The following SEL1L2 variants were observed in gnomAD, a reference collection of about 807,000 sequenced individuals.
SEL1L2 encodes the protein protein sel-1 homolog 2.
A neutral mutation model predicts 98.8 loss-of-function variants in SEL1L2; 89 were observed. That is an observed-to-expected ratio of 0.90 (90% CI 0.76 to 1.07). The LOEUF is 1.07. Among genes scored for constraint, SEL1L2 ranks in the 50% least tolerant of loss-of-function variants. SEL1L2 has a pLI of 0.00. For missense variants in SEL1L2, 788 were observed against 812.0 expected (o/e 0.97, Z 0.36); for synonymous variants, 262 against 278.5 (o/e 0.94, Z 0.59).
At chr20:13,858,552 G>A (rs953412514) in intron 18 of SEL1L2, among the ~76,000 whole-genome samples, 23 of 152,260 alleles carry the variant, frequency 1.5e-4, no homozygotes, top group African/African-American at 5.3e-4. Context: ...TGACAGAAAC[G>A]CATAGCCCAC....
At chr20:13,961,860 G>C (rs2050787373) in intron 1 of SEL1L2, among the ~76,000 whole-genome samples, 1 of 152,126 alleles carries the variant, frequency 6.6e-6, no homozygotes, top group African/African-American at 2.4e-5. Flanking sequence ...TTTCCAAATT[G>C]CCATGGACCA....
chr20:13,932,786 T>C (rs1418565040), intron 2 of SEL1L2, among the ~76,000 whole-genome samples: 7 of 152,268 alleles, frequency 4.6e-5, no homozygotes, highest in African/African-American at 7.2e-5. Context: ...TGCTTTTTTT[T>C]CCTTTTCTTC....
chr20:13,979,976 T>C (rs369253270), intron 1 of SEL1L2, among the ~76,000 whole-genome samples: 29 of 152,202 alleles, frequency 1.9e-4, no homozygotes, highest in African/African-American at 6.5e-4. Flanking sequence ...AGGACTAGTA[T>C]CTAAAATATA....
At chr20:13,907,696 CTTTCTCTT>C (rs1186575469) in intron 5 of SEL1L2, among the ~76,000 whole-genome samples, 5 of 138,806 alleles carry the variant, frequency 3.6e-5, no homozygotes, top group East Asian at 2.1e-4. Context: ...TTCTTTCTTT[CTTTCTCTT>C]TCTTTCTTTC....
chr20:13,853,003 C>T (rs1167576051), intron 18 of SEL1L2, among the ~76,000 whole-genome samples: 1 of 152,002 alleles, frequency 6.6e-6, no homozygotes, highest in Non-Finnish European at 1.5e-5. Flanking sequence ...AGAAAAAAAG[C>T]CACCCACAAT....
In SEL1L2 at chr20:13,870,294, C is replaced by T. The variant is rs776817433; in HGVS notation, c.1105-91G>A. ...AATTTTTCAAAATATTTGACATGCA[C>T]CCAGTAAGAGATTAATCAAGGCAGT... On this transcript the variant is annotated intron_variant, in intron 12 of 19. Coordinates refer to ENST00000284951, the MANE Select transcript of SEL1L2 (RefSeq NM_025229.2). The T allele has an allele frequency of 3.7e-5, 33 of 891,422 alleles. No individual in the cohort carries two copies. In the Admixed American group the frequency reaches 6.7e-4, roughly 18 times the overall value. 55.2% of individuals were successfully genotyped at this position (891,422 alleles called of 1,614,324 possible).
At chr20:13,888,548 C>T in intron 5 of SEL1L2, 36 bp from the exon 6 acceptor site, 19 of 1,117,474 alleles carry the variant, frequency 1.7e-5, no homozygotes, top group Non-Finnish European at 2.5e-5. Context: ...TTTAATAAAT[C>T]AATTTATTTC....
intron 12 of SEL1L2, among the ~76,000 whole-genome samples, chr20:13,873,250 A>G (rs1231006561): frequency 6.6e-6 from 1 of 152,104 alleles, no homozygotes; most frequent in Admixed American, 6.5e-5. Flanking sequence ...TCAGCCTCCC[A>G]AAGTGCTGGG....
At chr20:13,870,342 C>A in intron 12 of SEL1L2, 139 bp from the exon 13 acceptor site, 1 of 604,790 alleles carries the variant, frequency 1.7e-6, no homozygotes, top group South Asian at 2.3e-5. Context: ...CTGACCCACT[C>A]TAGTTCCTCC....
At chr20:13,918,963 T>C (rs1487019348) in intron 4 of SEL1L2, 58 bp downstream of exon 4, 2 of 1,194,454 alleles carry the variant, frequency 1.7e-6, no homozygotes, top group African/African-American at 3.1e-5. Flanking sequence ...ATTTGGGATT[T>C]TTCTTTTTTC....
chr20:13,850,193 T>TA lies in SEL1L2; in HGVS notation c.1944dup (p.Asn649Ter), dbSNP rs1987996905. 5.0e-6 allele frequency: 8 copies of TA among 1,613,652 alleles called. No individual in the cohort carries two copies. The highest frequency in any genetic ancestry group is 6.8e-6 in the Non-Finnish European group (8 of 1,179,776). On this transcript the variant is annotated frameshift_variant, in exon 19 of 20. Coordinates refer to ENST00000284951, the MANE Select transcript of SEL1L2 (RefSeq NM_025229.2). LOFTEE classifies it high-confidence loss of function. ...GGACCTGTTCAAGACAAACTTACAT[T>TA]AAAAAACAGGATATCCCGGAGCAAA...
At chr20:13,987,003 T>C (rs1206595920) in intron 1 of SEL1L2, among the ~76,000 whole-genome samples, 1 of 152,098 alleles carries the variant, frequency 6.6e-6, no homozygotes, top group African/African-American at 2.4e-5. Context: ...AGCTAATTTT[T>C]TGTATTTTTA....
At chr20:13,901,131 C>T (rs866993240) in intron 5 of SEL1L2, among the ~76,000 whole-genome samples, 5 of 141,738 alleles carry the variant, frequency 3.5e-5, no homozygotes, top group African/African-American at 1.3e-4. Flanking sequence ...AGTGCAGTGG[C>T]GCGATCTCGG....
chr20:13,894,555 G>A lies in SEL1L2; in HGVS notation c.550-6043C>T, dbSNP rs532853426. Among the ~76,000 whole-genome samples the A allele has an allele frequency of 3.3e-5, 5 of 151,912 alleles. No individual in the cohort carries two copies. In the South Asian group the frequency reaches 8.3e-4, roughly 25 times the overall value. On this transcript the variant is annotated intron_variant, in intron 5 of 19. Coordinates refer to ENST00000284951, the MANE Select transcript of SEL1L2 (RefSeq NM_025229.2). ...AGCCTGGGCAACAGAGCAAGACTTC[G>A]GTTCACAAATCAAAACAAACAAACA...
At position 13,859,297 on chromosome 20, in the gene SEL1L2, C is replaced by T; in HGVS notation, c.1783G>A (p.Ala595Thr). The T allele has an allele frequency of 1.9e-6, 3 of 1,614,148 alleles. No homozygotes were observed. The highest frequency in any genetic ancestry group is 2.5e-6 in the Non-Finnish European group (3 of 1,180,022). ...YHNAQAMFNL[A>T]YMYEHGLGIT... Reference sequence around the variant, plus strand: ...CCTAAGCCGTGTTCATACATATAAGCCAGATTGAACATGGCTTGCGCGTTG... The same window carrying T: ...CCTAAGCCGTGTTCATACATATAAGTCAGATTGAACATGGCTTGCGCGTTG... Residue 595 changes from alanine (A) to threonine (T), a missense_variant, in exon 18 of 20, where the codon GCT becomes ACT. Ala to Thr is a moderately conservative substitution (Grantham distance 58). Transcript: ENST00000284951.
chr20:13,874,340 C>A (rs573234537), intron 12 of SEL1L2, among the ~76,000 whole-genome samples: 1 of 152,122 alleles, frequency 6.6e-6, no homozygotes, highest in Admixed American at 6.5e-5. Flanking sequence ...ATTGTTCAGG[C>A]GCTGATCAAG....
chr20:13,926,354 G>A (rs7271827), intron 3 of SEL1L2, among the ~76,000 whole-genome samples: 31,275 of 151,516 alleles, frequency 0.21, 3,599 homozygotes, highest in African/African-American at 0.32. Flanking sequence ...TTCAAAAAAA[G>A]TGACCTTCAG....
chr20:13,850,275 C>T lies in SEL1L2; in HGVS notation c.1863G>A (p.Thr621=), dbSNP rs771917871. ...GCACAGGTATGTGGGCATCTGGACT[C>T]GTTTGAGCAGCCATGTCGTACAATC... ...ARRLYDMAAQ[T]SPDAHIPVLF... is the part of the protein sequence containing the mutation. The change falls in exon 19 of 20, where the codon ACG becomes ACA. Residue 621 remains threonine, a synonymous_variant. Coordinates refer to ENST00000284951, the MANE Select transcript of SEL1L2 (RefSeq NM_025229.2). 19 of 1,613,912 alleles carry T rather than the reference C, an allele frequency of 1.2e-5. No individual in the cohort carries two copies. Among genetic ancestry groups the T allele is most frequent in the Middle Eastern group, 1.6e-4 (1 of 6,084 alleles).
At chr20:13,877,416 T>A in intron 11 of SEL1L2, 104 bp downstream of exon 11, 1 of 860,464 alleles carries the variant, frequency 1.2e-6, no homozygotes, top group Admixed American at 2.0e-5. Context: ...TCTTTCCACC[T>A]CAACTTCCCA....
Sources: allele counts gnomAD v4.1 joint callset (sites outside exome capture counted in the v4.1 genomes callset), GRCh38; gene constraint gnomAD v4.1.1; transcripts MANE v1.5; gene names NCBI Gene and HGNC (gene_info 2026-07-23, HGNC 2026-07-21).